DSCAM: variants seen among roughly 807,000 people sequenced by gnomAD.
The protein encoded by DSCAM is cell adhesion molecule DSCAM.
A neutral mutation model predicts 217.7 loss-of-function variants in DSCAM; 47 were observed. The observed-to-expected ratio is 0.22, with a 90% confidence interval of 0.17 to 0.28. The LOEUF (loss-of-function observed/expected upper bound fraction) is 0.28, where lower values mean the gene tolerates loss of function less well. DSCAM is among the 10% of genes least tolerant of loss of function. The pLI is 1.00. For synonymous variants in DSCAM, 1,056 were observed against 1,015.3 expected, an observed-to-expected ratio of 1.04 and a Z score of -0.76; for missense variants, 2,080 against 2,618.3, an observed-to-expected ratio of 0.79 and a Z score of 4.49.
chr21:40,564,172 G>T (rs1002349616), intron 3 of DSCAM, among the ~76,000 whole-genome samples: 1 of 152,186 alleles, frequency 6.6e-6, no homozygotes, highest in Non-Finnish European at 1.5e-5. Flanking sequence ...AACATCTTTG[G>T]TAGTTTCTTT....
chr21:40,498,341 G>T (rs1021751800), intron 3 of DSCAM, among the ~76,000 whole-genome samples: 1 of 152,006 alleles, frequency 6.6e-6, no homozygotes, highest in Non-Finnish European at 1.5e-5. Context: ...CGCCACACCT[G>T]CTCTGCAAGA....
At chr21:40,701,712 A>G (rs1246861025) in intron 2 of DSCAM, among the ~76,000 whole-genome samples, 2 of 151,804 alleles carry the variant, frequency 1.3e-5, no homozygotes, top group Admixed American at 6.6e-5. Context: ...AAAGAGTGCT[A>G]TTCAGTATTC....
chr21:40,223,174 G>C (rs2091303067), intron 11 of DSCAM, among the ~76,000 whole-genome samples: 1 of 152,170 alleles, frequency 6.6e-6, no homozygotes, highest in South Asian at 2.1e-4. Flanking sequence ...GAAGGTGCAG[G>C]ATTGGAGTTG....
At chr21:40,827,591 C>A (rs2091980563) in intron 1 of DSCAM, among the ~76,000 whole-genome samples, 2 of 151,358 alleles carry the variant, frequency 1.3e-5, no homozygotes, top group African/African-American at 4.9e-5. Flanking sequence ...AAGACCTGAT[C>A]AGTGTGTGTT....
chr21:40,397,851 C>T (rs1301745188), intron 3 of DSCAM, among the ~76,000 whole-genome samples: 1 of 151,988 alleles, frequency 6.6e-6, no homozygotes, highest in Non-Finnish European at 1.5e-5. Flanking sequence ...CTAATACTAC[C>T]ACCACCACTA....
At chr21:40,355,854 T>C (rs2074686470) in intron 4 of DSCAM, among the ~76,000 whole-genome samples, 2 of 152,238 alleles carry the variant, frequency 1.3e-5, no homozygotes, top group South Asian at 4.1e-4. Context: ...AGTTTGACTT[T>C]TTTAGATTTC....
intron 3 of DSCAM, among the ~76,000 whole-genome samples, chr21:40,567,838 A>C (rs1468537027): frequency 6.6e-6 from 1 of 152,234 alleles, no homozygotes; most frequent in East Asian, 1.9e-4. Context: ...TATCAGAAAC[A>C]CTAGTTTCAA....
At chr21:40,412,045 A>T (rs868758134) in intron 3 of DSCAM, among the ~76,000 whole-genome samples, 6 of 152,168 alleles carry the variant, frequency 3.9e-5, no homozygotes, top group African/African-American at 1.4e-4. Flanking sequence ...AACCCGTTTC[A>T]TTTGGCATTC....
chr21:40,020,728 G>A (rs541631725), intron 32 of DSCAM, among the ~76,000 whole-genome samples: 19 of 152,262 alleles, frequency 1.2e-4, no homozygotes, highest in African/African-American at 2.9e-4. Context: ...CTACCTGCCC[G>A]CACTGCCGGT....
intron 1 of DSCAM, among the ~76,000 whole-genome samples, chr21:40,801,092 C>T (rs1466035024): frequency 3.3e-5 from 5 of 152,028 alleles, no homozygotes; most frequent in Non-Finnish European, 7.4e-5. Context: ...GCTGGGATTA[C>T]AGGTGCCCAC....
At chr21:40,422,467 T>TA (rs145896718) in intron 3 of DSCAM, among the ~76,000 whole-genome samples, 9,725 of 111,716 alleles carry the variant, frequency 0.087, 442 homozygotes, top group African/African-American at 0.14. Flanking sequence ...CCATCTCTAC[T>TA]AAAAAAAAAT....
Position 40,016,969 on chromosome 21 carries a change from A to G in DSCAM, c.5687-3583T>C, listed in dbSNP as rs2146411301. Among the ~76,000 whole-genome samples, 1 of 152,260 alleles carries G rather than the reference A, an allele frequency of 6.6e-6. No individual in the cohort carries two copies. Among genetic ancestry groups the G allele is most frequent in the South Asian group, 2.1e-4 (1 of 4,816 alleles). On this transcript the variant is annotated intron_variant, in intron 32 of 32. Coordinates refer to ENST00000400454, the MANE Select transcript of DSCAM (RefSeq NM_001389.5). The surrounding 1 kb of genome is among the most constrained non-coding windows in gnomAD (Gnocchi z 4.3). ...CGTCTCTACTGAAAATAGAAAAATC[A>G]GCTGGACGTGGTGGTACACGCCTGT... is the stretch of plus-strand genomic sequence containing the variant.
intron 3 of DSCAM, among the ~76,000 whole-genome samples, chr21:40,591,105 T>A (rs448168): frequency 1.4e-5 from 1 of 69,906 alleles, no homozygotes; most frequent in African/African-American, 4.4e-5. Flanking sequence ...GAGATCACAT[T>A]TTTTTTAGGT....
chr21:40,822,318 CAAAAAAAAAA>C (rs61569827), intron 1 of DSCAM, among the ~76,000 whole-genome samples: 1 of 57,846 alleles, frequency 1.7e-5, no homozygotes, highest in African/African-American at 6.9e-5. Flanking sequence ...GATCTTTTCT[CAAAAAAAAAA>C]AAAAAAAAAA....
chr21:40,338,057 GGCTAT>G (rs1569071406), intron 8 of DSCAM, 39 bp downstream of exon 8: 2 of 1,599,764 alleles, frequency 1.3e-6, no homozygotes, highest in African/African-American at 1.3e-5. Flanking sequence ...GAAGTAGTCG[GGCTAT>G]GGAATGAGTT....
chr21:40,149,311 G>A lies in DSCAM; in HGVS notation c.3019-4580C>T, dbSNP rs535034071. ...AATATCACTATCACCACCACCATCC[G>A]TCACTTCATCACTATCCCAATACCA... On this transcript the variant is annotated intron_variant, in intron 16 of 32. Coordinates refer to ENST00000400454, the MANE Select transcript of DSCAM (RefSeq NM_001389.5). Among the ~76,000 whole-genome samples, 78 of 107,524 alleles carry A rather than the reference G, an allele frequency of 7.3e-4. 4 individuals are homozygous for A. The highest frequency in any genetic ancestry group is 2.4e-3 in the African/African-American group (61 of 25,658). The allele number at this position is 107,524 out of a possible 152,430, so 70.5% of individuals were successfully genotyped here.
At chr21:40,025,861 C>G (rs1462846408) in intron 32 of DSCAM, among the ~76,000 whole-genome samples, 2 of 150,514 alleles carry the variant, frequency 1.3e-5, no homozygotes, top group Non-Finnish European at 3.0e-5. Flanking sequence ...TTTTTTGTGT[C>G]TCTATTTGCT....
chr21:40,147,506 C>T (rs2090370812), intron 16 of DSCAM, among the ~76,000 whole-genome samples: 1 of 152,158 alleles, frequency 6.6e-6, no homozygotes, highest in South Asian at 2.1e-4. Context: ...AGAAGAACTA[C>T]ATTTCAGTCC....
chr21:40,775,917 G>C (rs765580227), intron 1 of DSCAM, among the ~76,000 whole-genome samples: 1 of 152,138 alleles, frequency 6.6e-6, no homozygotes, highest in South Asian at 2.1e-4. Flanking sequence ...TGTTCATCAT[G>C]GTATTTCAGA....
Sources: gnomAD v4.1 joint callset for allele counts (sites outside exome capture counted in the v4.1 genomes callset) on GRCh38, gnomAD v4.1.1 for gene constraint, Gnocchi (gnomAD v3.1) non-coding constraint, MANE v1.5 for transcripts, NCBI Gene and HGNC (gene_info 2026-07-23, HGNC 2026-07-21) for gene names.